The following LHPP variants were observed in gnomAD, a reference collection of about 807,000 sequenced individuals.
The protein encoded by LHPP is hLHPP.
A neutral mutation model predicts 30.3 loss-of-function variants in LHPP; 24 were observed. That is an observed-to-expected ratio of 0.79 (90% CI 0.57 to 1.11). The LOEUF is 1.11. Among genes scored for constraint, LHPP ranks in the 50% most tolerant of loss-of-function variants. The probability of loss-of-function intolerance (pLI) is 0.00; values close to 1 mark genes in which losing one functional copy is unlikely to be tolerated. For synonymous variants in LHPP, 150 were observed against 157.1 expected (o/e 0.95, Z 0.34); for missense variants, 356 against 367.2 (o/e 0.97, Z 0.25).
intron 5 of LHPP, among the ~76,000 whole-genome samples, chr10:124,502,595 T>G (rs1044354033): frequency 1.3e-5 from 2 of 150,528 alleles, no homozygotes; most frequent in African/African-American, 4.9e-5. Context: ...GGTCTCGATC[T>G]CCTGACCTCG....
chr10:124,524,075 A>G (rs543423290), intron 6 of LHPP, among the ~76,000 whole-genome samples: 1 of 152,174 alleles, frequency 6.6e-6, no homozygotes, highest in African/African-American at 2.4e-5. Flanking sequence ...TTATTGAGAA[A>G]TCACTCCCAC....
intron 6 of LHPP, among the ~76,000 whole-genome samples, chr10:124,535,167 G>A (rs903752168): frequency 6.6e-6 from 1 of 152,184 alleles, no homozygotes; most frequent in Non-Finnish European, 1.5e-5. Flanking sequence ...ACAGATGCAG[G>A]ACCCACTCCA....
chr10:124,552,250 C>T (rs11245286), intron 6 of LHPP, among the ~76,000 whole-genome samples: 41,244 of 152,008 alleles, frequency 0.27, 6,644 homozygotes, highest in South Asian at 0.36. Flanking sequence ...CTTAAATTAC[C>T]GGATCCCCAT....
chr10:124,549,598 G>A lies in LHPP; in HGVS notation c.716+32327G>A, dbSNP rs539366296. ...AGCAAAACCTTAACAGTTCATAGAA[G>A]AAATCATTTTTTACTTTTTTCCCCT... On this transcript the variant is annotated intron_variant, in intron 6 of 6. Coordinates refer to ENST00000368842, the MANE Select transcript of LHPP (RefSeq NM_022126.4). Among the ~76,000 whole-genome samples, 305 of 152,316 alleles carry A rather than the reference G, an allele frequency of 2.0e-3. 3 individuals carry two copies. The highest frequency in any genetic ancestry group is 6.7e-3 in the African/African-American group (278 of 41,576).
intron 6 of LHPP, among the ~76,000 whole-genome samples, chr10:124,599,730 C>T (rs1362159466): frequency 6.6e-6 from 1 of 152,206 alleles, no homozygotes; most frequent in Non-Finnish European, 1.5e-5. Context: ...ATGTGCTGGC[C>T]CACTGCTTGG....
intron 6 of LHPP, among the ~76,000 whole-genome samples, chr10:124,581,310 A>G (rs936749709): frequency 1.3e-5 from 2 of 152,120 alleles, no homozygotes; most frequent in African/African-American, 4.8e-5. Flanking sequence ...GTGTTAGTGT[A>G]TATTTGGGTT....
At chr10:124,491,200 G>A (rs1371992120) in intron 3 of LHPP, among the ~76,000 whole-genome samples, 1 of 152,254 alleles carries the variant, frequency 6.6e-6, no homozygotes. Context: ...GGCTCCCAGG[G>A]TTGCAAGGAC....
intron 1 of LHPP, among the ~76,000 whole-genome samples, chr10:124,466,747 G>A (rs1180071102): frequency 2.6e-5 from 4 of 151,654 alleles, no homozygotes; most frequent in Admixed American, 6.6e-5. Flanking sequence ...GTGAGCCACC[G>A]CGCCCAGCCT....
chr10:124,543,348 G>A (rs561003822), intron 6 of LHPP, among the ~76,000 whole-genome samples: 2 of 152,364 alleles, frequency 1.3e-5, no homozygotes, highest in Non-Finnish European at 2.9e-5. Context: ...GCCCAGGTGC[G>A]GGGTCTGCCC....
intron 1 of LHPP, among the ~76,000 whole-genome samples, chr10:124,476,698 CTG>C (rs1199165816): frequency 2.5e-4 from 38 of 152,240 alleles, no homozygotes; most frequent in Admixed American, 6.5e-5. Context: ...ATGTGAATAA[CTG>C]TATTTTTCTA....
chr10:124,486,296 T>C (rs979408824), intron 2 of LHPP, among the ~76,000 whole-genome samples: 3 of 152,162 alleles, frequency 2.0e-5, no homozygotes, highest in Non-Finnish European at 4.4e-5. Flanking sequence ...AGGCAACCAC[T>C]GTTTGGATTT....
intron 6 of LHPP, among the ~76,000 whole-genome samples, chr10:124,575,899 C>A (rs11245300): frequency 4.6e-5 from 7 of 152,136 alleles, no homozygotes; most frequent in Non-Finnish European, 8.8e-5. Flanking sequence ...GGTGCCTGGA[C>A]GGCAGAGAGC....
At chr10:124,499,656 A>T (rs1022566193) in intron 5 of LHPP, among the ~76,000 whole-genome samples, 2 of 151,550 alleles carry the variant, frequency 1.3e-5, no homozygotes, top group African/African-American at 2.4e-5. Flanking sequence ...CTCCTTCTTT[A>T]AAAAAAAGAA....
chr10:124,545,534 G>C (rs966564762), intron 6 of LHPP, among the ~76,000 whole-genome samples: 1 of 152,200 alleles, frequency 6.6e-6, no homozygotes, highest in Non-Finnish European at 1.5e-5. Flanking sequence ...CCTCCTGAGC[G>C]GCAGGACTAT....
At chr10:124,554,847 G>T (rs1348317175) in intron 6 of LHPP, among the ~76,000 whole-genome samples, 2 of 152,244 alleles carry the variant, frequency 1.3e-5, no homozygotes, top group Non-Finnish European at 2.9e-5. Context: ...ACAGAATTAG[G>T]TTCTTTAACG....
intron 1 of LHPP, among the ~76,000 whole-genome samples, chr10:124,474,105 T>A (rs1005874295): frequency 6.7e-6 from 1 of 149,464 alleles, no homozygotes; most frequent in Non-Finnish European, 1.5e-5. Flanking sequence ...AAGGGTCAAA[T>A]AATTTTGAAG....
At chr10:124,591,435 C>T (rs193130717) in intron 6 of LHPP, among the ~76,000 whole-genome samples, 62 of 151,980 alleles carry the variant, frequency 4.1e-4, no homozygotes, top group African/African-American at 1.4e-3. Flanking sequence ...CTGACCCCTA[C>T]CCCTGGGCTG....
At chr10:124,470,398 C>T (rs1952693410) in intron 1 of LHPP, among the ~76,000 whole-genome samples, 1 of 152,080 alleles carries the variant, frequency 6.6e-6, no homozygotes, top group Non-Finnish European at 1.5e-5. Context: ...ATCGATCGGC[C>T]TGGTGCTGTG....
rs1173137930 is a variant in LHPP at position 124,593,480 on chromosome 10, T to C, written c.717-19784T>C. Among the ~76,000 whole-genome samples the C allele has an allele frequency of 1.3e-5, 2 of 152,298 alleles. No homozygotes were observed. Among genetic ancestry groups the C allele is most frequent in the South Asian group, 2.1e-4 (1 of 4,832 alleles). On this transcript the variant is annotated intron_variant, in intron 6 of 6. Coordinates refer to ENST00000368842, the MANE Select transcript of LHPP (RefSeq NM_022126.4). This position sits in a 1 kb window ranked among gnomAD's most constrained non-coding sequence, Gnocchi z 4.9. The stretch of plus-strand genomic sequence containing the variant: ...GATCACTCTTGTTTCCCTGCAGTTG[T>C]TTCCAGCATTAGAGTCACACTGGGG...
Sources: gnomAD v4.1 joint callset for allele counts (sites outside exome capture counted in the v4.1 genomes callset) on GRCh38, gnomAD v4.1.1 for gene constraint, Gnocchi (gnomAD v3.1) non-coding constraint, MANE v1.5 for transcripts, NCBI Gene and HGNC (gene_info 2026-07-23, HGNC 2026-07-21) for gene names.